CFI: variants seen among roughly 807,000 people sequenced by gnomAD.
CFI encodes the protein complement factor I.
Under a neutral mutation model 78.8 loss-of-function variants are expected in CFI, and 66 were observed. The ratio of observed to expected loss-of-function variants is 0.84; its 90% CI spans 0.69 to 1.03. The LOEUF (loss-of-function observed/expected upper bound fraction) is 1.03. Among genes scored for constraint, CFI ranks in the 50% least tolerant of loss-of-function variants. The probability of loss-of-function intolerance (pLI) is 0.00; values close to 1 mark genes in which losing one functional copy is unlikely to be tolerated. For synonymous variants in CFI, 250 were observed against 232.6 expected (o/e 1.07, Z -0.68); for missense variants, 706 against 704.5 (o/e 1.00, Z -0.02).
chr4:109,782,257 A>G (rs1201415565), intron 1 of CFI, among the ~76,000 whole-genome samples: 1 of 152,026 alleles, frequency 6.6e-6, no homozygotes, highest in Admixed American at 6.6e-5. Flanking sequence ...TGACATAATG[A>G]TTGTTTACCC....
intron 1 of CFI, among the ~76,000 whole-genome samples, chr4:109,784,775 T>C (rs1001868859): frequency 6.6e-6 from 1 of 152,106 alleles, no homozygotes; most frequent in African/African-American, 2.4e-5. Context: ...CCTCCTCCTA[T>C]GTATTTACTG....
At chr4:109,731,049 GCAA>G in the CFI span, among the ~76,000 whole-genome samples, 1 of 152,152 alleles carries the variant, frequency 6.6e-6, no homozygotes, top group Non-Finnish European at 1.5e-5. Flanking sequence ...AAGATCCAGA[GCAA>G]TGTTGAAAGT....
chr4:109,787,462 A>T (rs1211017931), intron 1 of CFI, among the ~76,000 whole-genome samples: 1 of 152,044 alleles, frequency 6.6e-6, no homozygotes, highest in Non-Finnish European at 1.5e-5. Context: ...ACATAAAGTG[A>T]TGCCACAGAT....
chr4:109,745,877 T>C (rs775770267), intron 11 of CFI, among the ~76,000 whole-genome samples: 2 of 152,206 alleles, frequency 1.3e-5, no homozygotes, highest in Admixed American at 6.5e-5. Context: ...CACAGGATCA[T>C]AGAGAGAATA....
intron 12 of CFI, 44 bp from the exon 13 acceptor site, chr4:109,741,154 T>C (rs1723748596): frequency 6.2e-7 from 1 of 1,612,876 alleles, no homozygotes; most frequent in Non-Finnish European, 8.5e-7. Context: ...TTTCCTTCCA[T>C]TTTTCAAGGC....
chr4:109,734,730 G>C, the CFI span, among the ~76,000 whole-genome samples: 1 of 152,152 alleles, frequency 6.6e-6, no homozygotes, highest in Non-Finnish European at 1.5e-5. Context: ...CTTGAACCTA[G>C]GAGGTGGAGG....
chr4:109,794,663 G>A (rs566088580), intron 1 of CFI, among the ~76,000 whole-genome samples: 2 of 152,026 alleles, frequency 1.3e-5, no homozygotes, highest in South Asian at 4.2e-4. Flanking sequence ...TGTGGTGGTG[G>A]GCACCTGTAA....
Position 109,761,665 on chromosome 4 carries a change from C to T in CFI, c.510G>A (p.Lys170=), listed in dbSNP as rs1414275290. ...QQGADTQRRF[K]LSDLSINSTE... is the part of the protein sequence containing the mutation. Reference sequence around the variant, plus strand: ...TGGAATTTATAGAGAGATCAGACAACTTAAACCTTCTTTGAGTATCAGCAC... The same window carrying T: ...TGGAATTTATAGAGAGATCAGACAATTTAAACCTTCTTTGAGTATCAGCAC... The change falls in exon 4 of 13, where the codon AAG becomes AAA. Residue 170 remains lysine, a synonymous_variant. Transcript: ENST00000394634. The T allele has an allele frequency of 2.7e-5, 43 of 1,613,328 alleles. No homozygotes were observed. The highest frequency in any genetic ancestry group is 5.3e-5 in the African/African-American group (4 of 74,896).
At chr4:109,756,520 A>C (rs879787379) in intron 7 of CFI, among the ~76,000 whole-genome samples, 2 of 152,016 alleles carry the variant, frequency 1.3e-5, no homozygotes, top group African/African-American at 2.4e-5. Context: ...GCAATGAAAT[A>C]ATAGGCATTT....
At chr4:109,794,928 A>G (rs1731867470) in intron 1 of CFI, among the ~76,000 whole-genome samples, 1 of 152,206 alleles carries the variant, frequency 6.6e-6, no homozygotes, top group Non-Finnish European at 1.5e-5. Context: ...ATGTCCCAGC[A>G]CTTGTCTTCC....
chr4:109,801,855 T>C, intron 1 of CFI, 60 bp downstream of exon 1: 1 of 1,135,510 alleles, frequency 8.8e-7, no homozygotes, highest in Non-Finnish European at 1.3e-6. Context: ...TTATTTTCTA[T>C]GTTTTTACAA....
chr4:109,734,324 A>C, the CFI span, among the ~76,000 whole-genome samples: 1 of 152,188 alleles, frequency 6.6e-6, no homozygotes, highest in African/African-American at 2.4e-5. Flanking sequence ...CAGAAGTGGA[A>C]AAGTGCTATA....
chr4:109,796,286 A>G (rs1482193396), intron 1 of CFI, among the ~76,000 whole-genome samples: 1 of 152,336 alleles, frequency 6.6e-6, no homozygotes, highest in South Asian at 2.1e-4. Context: ...TTACACCCAG[A>G]AAAACTATCC....
chr4:109,750,385 T>C (rs958286806), intron 8 of CFI, among the ~76,000 whole-genome samples: 110 of 152,172 alleles, frequency 7.2e-4, no homozygotes, highest in African/African-American at 2.5e-3. Context: ...GTACTTTCTA[T>C]ATGTCAGGCC....
intron 12 of CFI, chr4:109,741,434 T>C (rs955888320): frequency 7.8e-6 from 6 of 771,134 alleles, no homozygotes; most frequent in Non-Finnish European, 9.5e-6. Flanking sequence ...TGCCTAGTGC[T>C]TACTGAGTGC....
intron 12 of CFI, chr4:109,742,199 C>T: frequency 2.7e-6 from 1 of 370,014 alleles, no homozygotes; most frequent in Non-Finnish European, 5.0e-6. Context: ...GGTCACATGA[C>T]TAGCAATTAG....
At chr4:109,733,746 G>T in the CFI span, among the ~76,000 whole-genome samples, 1 of 152,156 alleles carries the variant, frequency 6.6e-6, no homozygotes, top group Non-Finnish European at 1.5e-5. Context: ...TGGAAGGAGA[G>T]GGTTTTGCGG....
At chr4:109,741,168 C>CA (rs1208922327) in intron 12 of CFI, 58 bp from the exon 13 acceptor site, 1 of 1,611,406 alleles carries the variant, frequency 6.2e-7, no homozygotes, top group African/African-American at 1.3e-5. Context: ...TCAAGGCTGC[C>CA]ATGCCTCCTC....
At chr4:109,766,492 A>G in intron 2 of CFI, 62 bp downstream of exon 2, 1 of 1,571,762 alleles carries the variant, frequency 6.4e-7, no homozygotes, top group Non-Finnish European at 8.8e-7. Context: ...TTCTGATAGA[A>G]AGTATGGCAT....
Sources: allele counts gnomAD v4.1 joint callset (sites outside exome capture counted in the v4.1 genomes callset), GRCh38; gene constraint gnomAD v4.1.1; transcripts MANE v1.5; gene names NCBI Gene and HGNC (gene_info 2026-07-23, HGNC 2026-07-21).